Variants in C1QTNF3 observed in about 807,000 individuals in gnomAD.
C1QTNF3 encodes the protein complement C1q tumor necrosis factor-related protein 3.
Under a neutral mutation model 32.6 loss-of-function variants are expected in C1QTNF3, and 26 were observed. That is an observed-to-expected ratio of 0.80 (90% CI 0.58 to 1.11). C1QTNF3 has a LOEUF of 1.11. C1QTNF3 is among the 50% of genes least tolerant of loss of function. The pLI, the probability that C1QTNF3 is intolerant of heterozygous loss-of-function variation, is 0.00. For synonymous variants in C1QTNF3, 155 were observed against 146.0 expected (o/e 1.06, Z -0.44); for missense variants, 362 against 398.2 (o/e 0.91, Z 0.77).
the C1QTNF3 span, among the ~76,000 whole-genome samples, chr5:34,056,454 G>GTGTATATATATATATA: frequency 8.2e-5 from 4 of 48,970 alleles, no homozygotes; most frequent in South Asian, 8.9e-4. Context: ...GTGTGTGTGT[G>GTGTATATATATATATA]TATATATATA....
chr5:34,213,067 A>G, the C1QTNF3 span, among the ~76,000 whole-genome samples: 5 of 152,256 alleles, frequency 3.3e-5, no homozygotes, highest in Non-Finnish European at 5.9e-5. Flanking sequence ...GTGGATTTCT[A>G]TATCACGATG....
At chr5:34,112,211 G>T in the C1QTNF3 span, among the ~76,000 whole-genome samples, 3 of 151,770 alleles carry the variant, frequency 2.0e-5, no homozygotes, top group African/African-American at 7.3e-5. Context: ...ATAGGCCATG[G>T]ACAGACAGAG....
At chr5:34,050,843 C>T in the C1QTNF3 span, among the ~76,000 whole-genome samples, 1 of 152,170 alleles carries the variant, frequency 6.6e-6, no homozygotes, top group Admixed American at 6.5e-5. Flanking sequence ...TTCTGTCTTC[C>T]ACCTCTCAGC....
chr5:34,214,655 A>C, the C1QTNF3 span, among the ~76,000 whole-genome samples: 78 of 152,232 alleles, frequency 5.1e-4, 1 homozygote, highest in East Asian at 0.013. Context: ...TATAGCAAAA[A>C]CATAATGTGT....
Position 34,023,899 on chromosome 5 carries a change from G to C in C1QTNF3, c.800+10C>G. ...CATGGATGAGACCCATGACAGAAAAGACCACCCACCTGTACATGCTGAAGA... is the reference window on the plus strand; with the variant it reads ...CATGGATGAGACCCATGACAGAAAACACCACCCACCTGTACATGCTGAAGA... On this transcript the variant is annotated intron_variant, in intron 5 of 5. Transcript: ENST00000382065. 1.2e-6 allele frequency: 2 copies of C among 1,611,266 alleles called. No homozygotes were observed. The highest frequency in any genetic ancestry group is 2.2e-5 in the South Asian group (2 of 90,952).
rs759897017 is a variant in C1QTNF3, at chr5:34,042,926, G to A, written c.200C>T (p.Thr67Ile). 6.2e-7 allele frequency: 1 copy of A among 1,614,182 alleles called. No homozygotes were observed. Among genetic ancestry groups the A allele is most frequent in the South Asian group, 1.1e-5 (1 of 91,086 alleles). ...VRERSHPKTGTVDNNTSTDLK... is the reference protein window; with the variant it reads ...VRERSHPKTGIVDNNTSTDLK... ...GTCTGTAGAAGTGTTATTATCCACA[G>A]TCCCAGTTTTAGGATGGCTCCGCTC... The change falls in exon 1 of 6, where the codon ACT becomes ATT. Residue 67 changes from threonine to isoleucine, a missense_variant. Physicochemically the swap from Thr to Ile is moderately conservative, Grantham distance 89. Coordinates refer to ENST00000382065, the MANE Select transcript of C1QTNF3 (RefSeq NM_181435.6).
chr5:34,089,651 C>A, the C1QTNF3 span, among the ~76,000 whole-genome samples: 1 of 152,168 alleles, frequency 6.6e-6, no homozygotes, highest in African/African-American at 2.4e-5. Flanking sequence ...TTTTCTATAG[C>A]GTTCTGCACA....
chr5:34,157,386 C>A, the C1QTNF3 span, among the ~76,000 whole-genome samples: 1 of 152,024 alleles, frequency 6.6e-6, no homozygotes. Flanking sequence ...TGAGAAAGAC[C>A]CTACTATGAA....
chr5:34,050,494 A>C, the C1QTNF3 span, among the ~76,000 whole-genome samples: 44 of 152,154 alleles, frequency 2.9e-4, no homozygotes, highest in African/African-American at 1.1e-3. Context: ...AAGCAACTCC[A>C]TTTTGAATGC....
the C1QTNF3 span, among the ~76,000 whole-genome samples, chr5:34,130,732 G>C: frequency 3.3e-5 from 5 of 152,252 alleles, no homozygotes; most frequent in African/African-American, 1.2e-4. Flanking sequence ...GAAGCTTTTT[G>C]CTAGAGCTAC....
chr5:34,168,257 A>G, the C1QTNF3 span: 2 of 151,400 alleles, frequency 1.3e-5, no homozygotes, highest in East Asian at 3.9e-4. Context: ...AGATTGGGAA[A>G]TATATACATA....
the C1QTNF3 span, among the ~76,000 whole-genome samples, chr5:34,105,473 G>T: frequency 6.6e-6 from 1 of 151,760 alleles, no homozygotes; most frequent in African/African-American, 2.4e-5. Context: ...CCTTGTGCTA[G>T]AACTAATCTG....
At chr5:34,080,995 C>G in the C1QTNF3 span, among the ~76,000 whole-genome samples, 1 of 151,712 alleles carries the variant, frequency 6.6e-6, no homozygotes. Flanking sequence ...GATCAGTCAG[C>G]TACAGTTATT....
the C1QTNF3 span, among the ~76,000 whole-genome samples, chr5:34,131,483 G>A: frequency 3.3e-5 from 5 of 151,722 alleles, no homozygotes; most frequent in Admixed American, 2.0e-4. Flanking sequence ...AAGCAGCCTC[G>A]ACAAATCAAG....
chr5:34,142,143 CAG>C, the C1QTNF3 span, among the ~76,000 whole-genome samples: 2 of 152,152 alleles, frequency 1.3e-5, no homozygotes, highest in South Asian at 4.2e-4. Flanking sequence ...ATAAAAGAAA[CAG>C]AGGCAGCTGG....
chr5:34,042,820 T>G lies in C1QTNF3; in HGVS notation c.303+3A>C. The G allele has an allele frequency of 6.2e-7, 1 of 1,609,592 alleles. No individual in the cohort carries two copies. Among genetic ancestry groups the G allele is most frequent in the Non-Finnish European group, 8.5e-7 (1 of 1,177,196 alleles). On this transcript the variant is annotated splice_donor_region_variant and intron_variant, in intron 1 of 5. Transcript: ENST00000382065. ...AAAATCCTTAGAAGAGAATTCTGAG[T>G]ACCTGGCCCCAGAATGTGGTGATCT...
At chr5:34,141,033 G>A in the C1QTNF3 span, among the ~76,000 whole-genome samples, 5 of 152,194 alleles carry the variant, frequency 3.3e-5, no homozygotes, top group South Asian at 4.1e-4. Context: ...AAAGTATCAC[G>A]AAGTGAGTGG....
At chr5:34,034,236 T>C (rs1754684006) in intron 2 of C1QTNF3, among the ~76,000 whole-genome samples, 1 of 152,236 alleles carries the variant, frequency 6.6e-6, no homozygotes, top group Non-Finnish European at 1.5e-5. Context: ...TATGTGTTTA[T>C]GTATTATATC....
chr5:34,238,600 A>G, the C1QTNF3 span, among the ~76,000 whole-genome samples: 4 of 152,062 alleles, frequency 2.6e-5, no homozygotes, highest in African/African-American at 4.8e-5. Context: ...AGAATTAAAA[A>G]AAGAAAATGA....
Sources: allele counts gnomAD v4.1 joint callset (sites outside exome capture counted in the v4.1 genomes callset), GRCh38; gene constraint gnomAD v4.1.1; transcripts MANE v1.5; gene names NCBI Gene and HGNC (gene_info 2026-07-23, HGNC 2026-07-21).